Variants in ADARB1 observed in about 807,000 individuals in gnomAD.
The protein encoded by ADARB1 is double-stranded RNA-specific editase 1.
In ADARB1, 10 loss-of-function variants were observed where a neutral mutation model predicts 52.4. The ratio of observed to expected loss-of-function variants is 0.19; its 90% CI spans 0.12 to 0.32. The LOEUF (loss-of-function observed/expected upper bound fraction) is 0.32, where lower values mean the gene tolerates loss of function less well. Ranked by LOEUF, ADARB1 falls within the 10% of genes least tolerant of loss-of-function variation. ADARB1 has a pLI of 1.00. For synonymous variants in ADARB1, 349 were observed against 371.1 expected, an observed-to-expected ratio of 0.94 and a Z score of 0.68; for missense variants, 643 against 922.3, an observed-to-expected ratio of 0.70 and a Z score of 3.92.
chr21:45,151,137 C>A (rs188897265), intron 2 of ADARB1, among the ~76,000 whole-genome samples: 1 of 152,312 alleles, frequency 6.6e-6, no homozygotes, highest in Non-Finnish European at 1.5e-5. Context: ...GTTCTCATCT[C>A]TGGTACTGGC....
Position 45,180,356 on chromosome 21 carries a change from G to T in ADARB1, c.990G>T (p.Leu330=). 1 of 1,614,140 alleles carries T rather than the reference G, an allele frequency of 6.2e-7. No individual in the cohort carries two copies. Among genetic ancestry groups the T allele is most frequent in the Non-Finnish European group, 8.5e-7 (1 of 1,180,012 alleles). Residue 330 remains leucine, a synonymous_variant, in exon 5 of 11, where the codon CTG becomes CTT. Transcript: ENST00000348831. ...TTTTAGCTGACGCTGTCTCACGCCT[G>T]GTCCTGGGTAAGTTTGGTGACCTGA... ...PQVLADAVSR[L]VLGKFGDLTD...
chr21:45,188,615 T>G (rs2092187143), intron 8 of ADARB1, among the ~76,000 whole-genome samples: 1 of 150,036 alleles, frequency 6.7e-6, no homozygotes, highest in East Asian at 1.9e-4. Context: ...GTTGAATTGT[T>G]TTTTTTTTTT....
At chr21:45,115,734 C>A (rs906803158) in intron 1 of ADARB1, among the ~76,000 whole-genome samples, 2 of 152,118 alleles carry the variant, frequency 1.3e-5, no homozygotes, top group African/African-American at 2.4e-5. Flanking sequence ...TATGGTTTTT[C>A]TTCTTTCATC....
At chr21:45,081,926 C>T (rs899586507) in intron 1 of ADARB1, among the ~76,000 whole-genome samples, 10 of 152,192 alleles carry the variant, frequency 6.6e-5, no homozygotes, top group Non-Finnish European at 1.5e-4. Flanking sequence ...CCTGCAGACT[C>T]TCAAGAGTGC....
At chr21:45,088,197 C>T (rs1389670533) in intron 1 of ADARB1, among the ~76,000 whole-genome samples, 3 of 152,198 alleles carry the variant, frequency 2.0e-5, no homozygotes, top group African/African-American at 4.8e-5. Flanking sequence ...TAGCCTTGTC[C>T]GTTGGGAAGA....
At chr21:45,179,705 G>A (rs1408067396) in intron 4 of ADARB1, among the ~76,000 whole-genome samples, 2 of 151,840 alleles carry the variant, frequency 1.3e-5, no homozygotes, top group Non-Finnish European at 2.9e-5. Context: ...GCGAGTGAGC[G>A]GAGTCAGAGT....
chr21:45,181,727 G>A (rs1053039159), intron 5 of ADARB1, among the ~76,000 whole-genome samples: 2 of 152,218 alleles, frequency 1.3e-5, no homozygotes, highest in South Asian at 2.1e-4. Context: ...AAGCCAGGAC[G>A]CTGGAGCACT....
intron 1 of ADARB1, among the ~76,000 whole-genome samples, chr21:45,088,737 T>C (rs2086444743): frequency 6.6e-6 from 1 of 152,062 alleles, no homozygotes; most frequent in Admixed American, 6.5e-5. Flanking sequence ...GGAAAAATAG[T>C]AACTTTAGAA....
intron 8 of ADARB1, among the ~76,000 whole-genome samples, chr21:45,188,224 A>G (rs1052373846): frequency 3.9e-5 from 6 of 152,012 alleles, no homozygotes; most frequent in Non-Finnish European, 7.4e-5. Flanking sequence ...CTCCTGCTTC[A>G]GCCTCCCGAG....
chr21:45,098,406 G>A (rs1286507536), intron 1 of ADARB1, among the ~76,000 whole-genome samples: 1 of 152,188 alleles, frequency 6.6e-6, no homozygotes, highest in Admixed American at 6.5e-5. Context: ...CTTATTCCCA[G>A]CTGGTGGCTT....
intron 1 of ADARB1, among the ~76,000 whole-genome samples, chr21:45,127,468 C>G (rs1230963313): frequency 6.6e-6 from 1 of 152,160 alleles, no homozygotes; most frequent in Non-Finnish European, 1.5e-5. Context: ...GTCTCTGTGT[C>G]TTAGGTCTGT....
intron 1 of ADARB1, among the ~76,000 whole-genome samples, chr21:45,090,827 C>G (rs2086534178): frequency 6.6e-6 from 1 of 152,192 alleles, no homozygotes; most frequent in Admixed American, 6.5e-5. Flanking sequence ...ACATGCAGCT[C>G]TACGTTTTCC....
chr21:45,119,810 G>A (rs2838787), intron 1 of ADARB1, among the ~76,000 whole-genome samples: 55,983 of 152,070 alleles, frequency 0.37, 10,405 homozygotes, highest in Non-Finnish European at 0.39. Context: ...AATTGTCATC[G>A]TGGTATATAC....
intron 8 of ADARB1, among the ~76,000 whole-genome samples, chr21:45,199,868 G>T (rs545197038): frequency 6.6e-6 from 1 of 152,326 alleles, no homozygotes; most frequent in South Asian, 2.1e-4. Context: ...TTGCTGGGGC[G>T]TGGGGATGTC....
chr21:45,109,331 T>C (rs1419667330), intron 1 of ADARB1, among the ~76,000 whole-genome samples: 6 of 152,208 alleles, frequency 3.9e-5, no homozygotes, highest in African/African-American at 1.4e-4. Flanking sequence ...TGTGCGTATA[T>C]GTGTGTGCAC....
At chr21:45,164,367 G>C (rs1172712945) in intron 2 of ADARB1, among the ~76,000 whole-genome samples, 1 of 152,164 alleles carries the variant, frequency 6.6e-6, no homozygotes, top group East Asian at 1.9e-4. Flanking sequence ...GGCGGGGGTG[G>C]AGGAACTCAG....
chr21:45,149,555 A>AAT (rs2145938876), intron 2 of ADARB1, among the ~76,000 whole-genome samples: 1 of 152,356 alleles, frequency 6.6e-6, no homozygotes, highest in Non-Finnish European at 1.5e-5. Flanking sequence ...GTGGGGACCT[A>AAT]TGGTTTTTAT....
intron 3 of ADARB1, among the ~76,000 whole-genome samples, chr21:45,173,724 A>AT (rs1038104729): frequency 1.3e-5 from 2 of 150,096 alleles, no homozygotes; most frequent in Non-Finnish European, 3.0e-5. Flanking sequence ...TCTTGGCTCT[A>AT]TTTTTTTTAA....
intron 9 of ADARB1, among the ~76,000 whole-genome samples, chr21:45,212,663 A>T (rs2092791277): frequency 6.6e-6 from 1 of 152,094 alleles, no homozygotes; most frequent in Non-Finnish European, 1.5e-5. Flanking sequence ...TGAGGACATG[A>T]TCTTGGCTGA....
Sources: gnomAD v4.1 joint callset for allele counts (sites outside exome capture counted in the v4.1 genomes callset) on GRCh38, gnomAD v4.1.1 for gene constraint, MANE v1.5 for transcripts, NCBI Gene and HGNC (gene_info 2026-07-23, HGNC 2026-07-21) for gene names.